PTPRD: variants seen among roughly 807,000 people sequenced by gnomAD.
The protein encoded by PTPRD is protein tyrosine phosphatase receptor type D, also known as receptor-type tyrosine-protein phosphatase delta.
Under a neutral mutation model 214.5 loss-of-function variants are expected in PTPRD, and 34 were observed. The ratio of observed to expected loss-of-function variants is 0.16; its 90% CI spans 0.12 to 0.21. The LOEUF is 0.21. Ranked by LOEUF, PTPRD falls within the 10% of genes least tolerant of loss-of-function variation. PTPRD has a pLI of 1.00. For missense variants in PTPRD, 2,545 were observed against 2,398.7 expected (o/e 1.06, Z -1.27); for synonymous variants, 1,128 against 845.7 (o/e 1.33, Z -5.79).
chr9:8,751,578 C>T (rs1044425026), intron 11 of PTPRD, among the ~76,000 whole-genome samples: 3 of 152,140 alleles, frequency 2.0e-5, no homozygotes, highest in African/African-American at 7.2e-5. Context: ...TTCAAACATT[C>T]TTTCTTTCAG....
At chr9:10,610,236 G>A (rs949106427) in intron 2 of PTPRD, among the ~76,000 whole-genome samples, 1 of 152,204 alleles carries the variant, frequency 6.6e-6, no homozygotes, top group Non-Finnish European at 1.5e-5. Context: ...GGGATCAAAT[G>A]CATGTGCAAG....
chr9:9,951,331 C>G (rs999617935), intron 4 of PTPRD, among the ~76,000 whole-genome samples: 1 of 152,086 alleles, frequency 6.6e-6, no homozygotes, highest in Non-Finnish European at 1.5e-5. Context: ...ATTAAAAGGC[C>G]GACTGTGTTA....
chr9:8,343,680 T>C (rs975545690), intron 39 of PTPRD, among the ~76,000 whole-genome samples: 9 of 152,030 alleles, frequency 5.9e-5, no homozygotes, highest in African/African-American at 2.2e-4. Flanking sequence ...CCAAATTATA[T>C]TATTAATTTA....
At chr9:8,657,345 T>C (rs1056672059) in intron 12 of PTPRD, among the ~76,000 whole-genome samples, 3 of 152,150 alleles carry the variant, frequency 2.0e-5, no homozygotes, top group African/African-American at 7.2e-5. Flanking sequence ...TTTTTTGTAC[T>C]TTTAGTAGAG....
intron 8 of PTPRD, among the ~76,000 whole-genome samples, chr9:9,468,605 G>C (rs2094382577): frequency 6.6e-6 from 1 of 151,872 alleles, no homozygotes; most frequent in Non-Finnish European, 1.5e-5. Flanking sequence ...ATGCATTTCA[G>C]TCTATATATG....
chr9:8,371,476 C>G (rs774535409), intron 39 of PTPRD, among the ~76,000 whole-genome samples: 21 of 152,058 alleles, frequency 1.4e-4, no homozygotes, highest in Non-Finnish European at 2.8e-4. Flanking sequence ...CAGTGTGAAC[C>G]TATTCTATGA....
Position 8,317,903 on chromosome 9 carries a change from G to A in PTPRD, c.5710C>T (p.Leu1904=), listed in dbSNP as rs1328797392. The A allele has an allele frequency of 7.4e-6, 12 of 1,612,276 alleles. No individual in the cohort carries two copies. Among genetic ancestry groups the A allele is most frequent in the Non-Finnish European group, 9.3e-6 (11 of 1,178,756 alleles). The change falls in exon 46 of 46, where the codon CTG becomes TTG. Residue 1904 remains leucine (L), a synonymous_variant. Transcript: ENST00000381196. ...GTTGCATAGTGGTCAAAGCTGCCCA[G>A]GTACTCTAGTGCGGCACGATAGGAA... The part of the protein sequence containing the change: ...QFSYRAALEY[L]GSFDHYAT
intron 7 of PTPRD, among the ~76,000 whole-genome samples, chr9:9,598,116 C>A (rs1490416052): frequency 6.6e-6 from 1 of 151,944 alleles, no homozygotes; most frequent in African/African-American, 2.4e-5. Context: ...ATCCCCAACA[C>A]TCCTTCAAAA....
chr9:8,519,657 A>T (rs1049689420), intron 20 of PTPRD, among the ~76,000 whole-genome samples: 6 of 152,214 alleles, frequency 3.9e-5, no homozygotes, highest in African/African-American at 1.4e-4. Context: ...GTTTTTAATG[A>T]GAATCGTTAA....
intron 10 of PTPRD, among the ~76,000 whole-genome samples, chr9:9,032,586 G>C (rs1317186567): frequency 6.7e-6 from 1 of 148,586 alleles, no homozygotes; most frequent in Non-Finnish European, 1.5e-5. Flanking sequence ...GCTCTGAAAA[G>C]ATGCATAAAT....
intron 36 of PTPRD, among the ~76,000 whole-genome samples, chr9:8,395,910 G>C (rs537097899): frequency 2.0e-5 from 3 of 152,096 alleles, no homozygotes; most frequent in East Asian, 1.9e-4. Flanking sequence ...GTGATAGAGG[G>C]GCGTGCTTTT....
intron 5 of PTPRD, among the ~76,000 whole-genome samples, chr9:9,911,715 G>A (rs1252841805): frequency 2.0e-5 from 3 of 151,826 alleles, no homozygotes; most frequent in African/African-American, 7.3e-5. Flanking sequence ...AATAACAGTA[G>A]GATATAGGAA....
At chr9:9,863,022 G>A (rs1010890735) in intron 5 of PTPRD, among the ~76,000 whole-genome samples, 2 of 152,068 alleles carry the variant, frequency 1.3e-5, no homozygotes, top group African/African-American at 4.8e-5. Context: ...AGGAAAAAAA[G>A]CACTTTGTAG....
intron 9 of PTPRD, among the ~76,000 whole-genome samples, chr9:9,310,658 C>CTA (rs1368732488): frequency 3.9e-5 from 6 of 152,132 alleles, no homozygotes; most frequent in Non-Finnish European, 8.8e-5. Flanking sequence ...TGGCTCGCGC[C>CTA]TGTAATCCCA....
intron 11 of PTPRD, among the ~76,000 whole-genome samples, chr9:8,961,480 C>T (rs2099158429): frequency 6.6e-6 from 1 of 152,102 alleles, no homozygotes; most frequent in South Asian, 2.1e-4. Flanking sequence ...CAGAGTTAGC[C>T]TTGCACCCGC....
At chr9:9,054,551 T>C (rs774907396) in intron 10 of PTPRD, among the ~76,000 whole-genome samples, 3 of 152,174 alleles carry the variant, frequency 2.0e-5, no homozygotes, top group Non-Finnish European at 2.9e-5. Context: ...CAGTCTGTGC[T>C]ATGGCCAGGA....
intron 2 of PTPRD, among the ~76,000 whole-genome samples, chr9:10,460,213 A>G (rs1334589427): frequency 1.3e-5 from 2 of 152,134 alleles, no homozygotes; most frequent in African/African-American, 4.8e-5. Flanking sequence ...TAGAAAATAC[A>G]GATAAAAAAA....
intron 5 of PTPRD, among the ~76,000 whole-genome samples, chr9:9,837,729 G>A (rs1227431276): frequency 1.3e-5 from 2 of 151,762 alleles, no homozygotes; most frequent in African/African-American, 4.8e-5. Flanking sequence ...CTTTGGCTGT[G>A]TTTTCTGTTC....
intron 5 of PTPRD, among the ~76,000 whole-genome samples, chr9:9,838,349 C>G (rs2057393707): frequency 6.6e-6 from 1 of 152,034 alleles, no homozygotes; most frequent in African/African-American, 2.4e-5. Context: ...GCCACACTGA[C>G]TTCCACAATG....
Sources: gnomAD v4.1 joint callset for allele counts (sites outside exome capture counted in the v4.1 genomes callset) on GRCh38, gnomAD v4.1.1 for gene constraint, MANE v1.5 for transcripts, NCBI Gene and HGNC (gene_info 2026-07-23, HGNC 2026-07-21) for gene names.